Variants in NSUN6 observed in about 807,000 individuals in gnomAD.
NSUN6 encodes tRNA (cytosine(72)-C(5))-methyltransferase NSUN6.
A neutral mutation model predicts 58.0 loss-of-function variants in NSUN6; 64 were observed. The observed-to-expected ratio is 1.10, with a 90% CI of 0.90 to 1.36. The LOEUF (loss-of-function observed/expected upper bound fraction) is 1.36, where lower values mean the gene tolerates loss of function less well. Ranked by LOEUF, NSUN6 falls within the 40% of genes most tolerant of loss-of-function variation. NSUN6 has a pLI of 0.00. For missense variants in NSUN6, 701 were observed against 550.1 expected (o/e 1.27, Z -2.74); for synonymous variants, 231 against 193.9 (o/e 1.19, Z -1.59).
chr10:18,596,231 T>TG lies in NSUN6; in HGVS notation c.753dup (p.Ile252HisfsTer7). 6.2e-7 allele frequency: 1 copy of TG among 1,611,900 alleles called. No individual in the cohort carries two copies. Among genetic ancestry groups the TG allele is most frequent in the Non-Finnish European group, 8.5e-7 (1 of 1,177,968 alleles). On this transcript the variant is annotated frameshift_variant, in exon 7 of 11. Coordinates refer to ENST00000377304, the MANE Select transcript of NSUN6 (RefSeq NM_182543.5). LOFTEE classifies it high-confidence loss of function. Reference sequence around the variant, plus strand: ...ACCTGATCATGCATTAGTGCTGCAATGTGTGTTGTTTTCCCTCCAGGTGCT... The same window carrying TG: ...ACCTGATCATGCATTAGTGCTGCAATGGTGTGTTGTTTTCCCTCCAGGTGCT...
At chr10:18,611,212 T>A (rs1199365282) in intron 5 of NSUN6, among the ~76,000 whole-genome samples, 1 of 152,058 alleles carries the variant, frequency 6.6e-6, no homozygotes, top group Non-Finnish European at 1.5e-5. Flanking sequence ...TAAAAAAATT[T>A]TTTTTAAAAA....
chr10:18,624,550 C>G (rs2058720152), intron 3 of NSUN6, among the ~76,000 whole-genome samples: 1 of 146,070 alleles, frequency 6.8e-6, no homozygotes, highest in South Asian at 2.2e-4. Context: ...ACTAGGGAGG[C>G]TGAGGCAGGA....
At chr10:18,560,341 A>AAATGT (rs1381910703) in intron 8 of NSUN6, among the ~76,000 whole-genome samples, 1 of 150,412 alleles carries the variant, frequency 6.6e-6, no homozygotes. Context: ...ATGGTATGAG[A>AAATGT]AATGTAATGT....
chr10:18,650,338 A>G (rs1296392999), intron 1 of NSUN6, among the ~76,000 whole-genome samples: 1 of 152,250 alleles, frequency 6.6e-6, no homozygotes, highest in Non-Finnish European at 1.5e-5. Context: ...ATCAAAGATA[A>G]TCAACATTTA....
At chr10:18,657,702 C>T (rs2059792733), upstream of NSUN6, among the ~76,000 whole-genome samples, 2 of 152,042 alleles carry the variant, frequency 1.3e-5, no homozygotes, top group Admixed American at 1.3e-4. Flanking sequence ...CAACCTCTGC[C>T]TCCCAGGTTC....
intron 8 of NSUN6, among the ~76,000 whole-genome samples, chr10:18,569,858 G>A (rs1305451740): frequency 1.6e-5 from 2 of 121,638 alleles, no homozygotes; most frequent in African/African-American, 3.1e-5. Flanking sequence ...ATCCCATTCC[G>A]CATTCCATTC....
At chr10:18,594,910 AG>A (rs1280881438) in intron 7 of NSUN6, among the ~76,000 whole-genome samples, 2 of 152,168 alleles carry the variant, frequency 1.3e-5, no homozygotes, top group African/African-American at 4.8e-5. Context: ...ATGTAAGCAG[AG>A]GTTTTTTTTA....
intron 6 of NSUN6, among the ~76,000 whole-genome samples, chr10:18,608,616 G>A (rs542013562): frequency 5.0e-5 from 7 of 139,394 alleles, no homozygotes; most frequent in South Asian, 2.7e-4. Context: ...TCGAGCCTGC[G>A]TGACAGAGTA....
At chr10:18,549,968 G>T (rs942053891) in intron 9 of NSUN6, among the ~76,000 whole-genome samples, 1 of 152,192 alleles carries the variant, frequency 6.6e-6, no homozygotes, top group Non-Finnish European at 1.5e-5. Flanking sequence ...CTGCTACTCA[G>T]ATATAGAAAA....
intron 7 of NSUN6, among the ~76,000 whole-genome samples, chr10:18,595,148 C>T (rs2057535976): frequency 6.6e-6 from 1 of 152,168 alleles, no homozygotes; most frequent in Admixed American, 6.5e-5. Context: ...TCATCAGAAA[C>T]ACCCAATTCA....
intron 3 of NSUN6, among the ~76,000 whole-genome samples, chr10:18,631,837 A>G (rs2059041600): frequency 6.6e-6 from 1 of 152,198 alleles, no homozygotes; most frequent in South Asian, 2.1e-4. Context: ...GCCCAAGGTA[A>G]TTTGTAGATT....
Position 18,614,529 on chromosome 10 carries a change from T to C in NSUN6, c.506A>G (p.Lys169Arg). The change falls in exon 5 of 11, where the codon AAA (lysine) becomes AGA (arginine). Residue 169 changes from lysine (K) to arginine (R), a missense_variant. Coordinates refer to ENST00000377304, the MANE Select transcript of NSUN6 (RefSeq NM_182543.5). ...KKGAKEFDGT[K>R]VFLGNGISEL... ...AGAAATCCCATTTCCAAGAAATACT[T>C]TTGTTCCATCAAATTCTTTGGCTCC... 1 of 1,553,146 alleles carries C rather than the reference T, an allele frequency of 6.4e-7. No individual in the cohort carries two copies. The highest frequency in any genetic ancestry group is 8.7e-7 in the Non-Finnish European group (1 of 1,149,380).
chr10:18,563,234 G>T (rs147438920), intron 8 of NSUN6, among the ~76,000 whole-genome samples: 2 of 133,328 alleles, frequency 1.5e-5, no homozygotes, highest in African/African-American at 5.8e-5. Context: ...AGAATGGTAT[G>T]GAATGGAAGG....
intron 8 of NSUN6, among the ~76,000 whole-genome samples, chr10:18,564,829 C>G (rs2055804383): frequency 6.7e-6 from 1 of 150,068 alleles, no homozygotes. Flanking sequence ...ATTCATTCTC[C>G]ATTCAATTCT....
chr10:18,640,017 A>T (rs2059343534), intron 3 of NSUN6, among the ~76,000 whole-genome samples: 1 of 152,220 alleles, frequency 6.6e-6, no homozygotes, highest in South Asian at 2.1e-4. Flanking sequence ...GAAAAAACTA[A>T]ATGTCTATCA....
intron 3 of NSUN6, among the ~76,000 whole-genome samples, chr10:18,640,648 A>C (rs2059363227): frequency 6.6e-6 from 1 of 152,134 alleles, no homozygotes; most frequent in South Asian, 2.1e-4. Context: ...GGATAATGGA[A>C]ATGCTCTATC....
intron 6 of NSUN6, among the ~76,000 whole-genome samples, chr10:18,597,848 C>T (rs2057654903): frequency 6.6e-6 from 1 of 152,174 alleles, no homozygotes; most frequent in Non-Finnish European, 1.5e-5. Flanking sequence ...AATCTAAGAT[C>T]ACCACTTTGA....
chr10:18,656,307 G>A (rs1376713892), upstream of NSUN6, among the ~76,000 whole-genome samples: 1 of 152,212 alleles, frequency 6.6e-6, no homozygotes, highest in Admixed American at 6.5e-5. Flanking sequence ...GGGAGGCCAA[G>A]GCAGGTGGAT....
intron 3 of NSUN6, among the ~76,000 whole-genome samples, chr10:18,629,485 T>C (rs1472972617): frequency 1.8e-4 from 26 of 148,532 alleles, no homozygotes; most frequent in Non-Finnish European, 3.1e-4. Context: ...TCAAGACCCA[T>C]CAGTGTGCTG....
Sources: gnomAD v4.1 joint callset for allele counts (sites outside exome capture counted in the v4.1 genomes callset) on GRCh38, gnomAD v4.1.1 for gene constraint, MANE v1.5 for transcripts, NCBI Gene and HGNC (gene_info 2026-07-23, HGNC 2026-07-21) for gene names.